THADA: variants seen among roughly 807,000 people sequenced by gnomAD.
THADA encodes the protein THADA armadillo repeat containing.
THADA carries 213 observed loss-of-function variants against 219.8 expected under a neutral mutation model. The ratio of observed to expected loss-of-function variants is 0.97; its 90% CI spans 0.87 to 1.09. THADA has a LOEUF of 1.09. THADA is among the 50% of genes least tolerant of loss of function. The pLI, the probability that THADA is intolerant of heterozygous loss-of-function variation, is 0.00. For missense variants in THADA, 2,956 were observed against 2,311.3 expected, an observed-to-expected ratio of 1.28 and a Z score of -5.72; for synonymous variants, 1,018 against 828.9, an observed-to-expected ratio of 1.23 and a Z score of -3.92.
chr2:43,469,342 A>G (rs1432276479), intron 26 of THADA, among the ~76,000 whole-genome samples: 1 of 152,232 alleles, frequency 6.6e-6, no homozygotes, highest in Non-Finnish European at 1.5e-5. Flanking sequence ...ATAACAGCAG[A>G]TAAGGTGAAA....
At chr2:43,294,128 T>A (rs569465953) in intron 31 of THADA, among the ~76,000 whole-genome samples, 5 of 152,344 alleles carry the variant, frequency 3.3e-5, no homozygotes, top group African/African-American at 1.2e-4. Flanking sequence ...AGTATATCCC[T>A]GTTAAATTTT....
Position 43,592,314 on chromosome 2 carries a change from T to G in THADA, c.76+3A>C. ...ATAATAAGGGAAACCAGAAGTCACCTACATTTCAAAGTTTCAAGGTCCTGA... is the reference window on the plus strand; with the variant it reads ...ATAATAAGGGAAACCAGAAGTCACCGACATTTCAAAGTTTCAAGGTCCTGA... On this transcript the variant is annotated splice_donor_region_variant and intron_variant, in intron 2 of 37. Coordinates refer to ENST00000405975, the MANE Select transcript of THADA (RefSeq NM_022065.5). The G allele has an allele frequency of 6.3e-7, 1 of 1,598,436 alleles. No homozygotes were observed. Among genetic ancestry groups the G allele is most frequent in the Non-Finnish European group, 8.5e-7 (1 of 1,172,782 alleles).
intron 12 of THADA, 136 bp downstream of exon 12, chr2:43,572,678 G>A: frequency 3.0e-6 from 2 of 658,714 alleles, no homozygotes; most frequent in Non-Finnish European, 2.3e-6. Flanking sequence ...GTTTAGTTGG[G>A]AGACTAGGGT....
intron 26 of THADA, among the ~76,000 whole-genome samples, chr2:43,459,752 A>C (rs1429337220): frequency 6.6e-6 from 1 of 152,198 alleles, no homozygotes; most frequent in East Asian, 1.9e-4. Flanking sequence ...AAAATCTCTC[A>C]GAGTCTGGCC....
chr2:43,327,512 T>C (rs1319828718), intron 30 of THADA, among the ~76,000 whole-genome samples: 2 of 150,986 alleles, frequency 1.3e-5, no homozygotes, highest in African/African-American at 4.9e-5. Flanking sequence ...AGAGGGAAAA[T>C]GGTTGAAAAA....
chr2:43,351,026 T>G (rs1668194991), intron 29 of THADA, among the ~76,000 whole-genome samples: 1 of 152,216 alleles, frequency 6.6e-6, no homozygotes, highest in African/African-American at 2.4e-5. Context: ...AAATTCACTT[T>G]GGGCCTCAAA....
At chr2:43,306,018 A>G (rs1327320430) in intron 31 of THADA, among the ~76,000 whole-genome samples, 1 of 109,038 alleles carries the variant, frequency 9.2e-6, no homozygotes. Flanking sequence ...ACAGGGTCTT[A>G]CTCTTGTTAC....
At chr2:43,288,688 GT>G (rs1188076937) in intron 34 of THADA, among the ~76,000 whole-genome samples, 1 of 152,116 alleles carries the variant, frequency 6.6e-6, no homozygotes, top group African/African-American at 2.4e-5. Context: ...ATTCTTCAGG[GT>G]TTTTAAGGAA....
rs895092738 is a variant in THADA, at chr2:43,292,015, G to C, written c.4937+89C>G. On this transcript the variant is annotated intron_variant, in intron 33 of 37. Coordinates refer to ENST00000405975, the MANE Select transcript of THADA (RefSeq NM_022065.5). The stretch of plus-strand genomic sequence containing the variant: ...GAATGAAATACAGGACCTGAGACCT[G>C]AGGGCAGGATTGTGTGCAAGTTCAT... 9 of 894,448 alleles carry C rather than the reference G, an allele frequency of 1.0e-5. No individual in the cohort carries two copies. The African/African-American group carries it at 1.5e-4, about 15-fold the overall frequency. The allele number at this position is 894,448 out of a possible 1,614,324, so 55.4% of individuals were successfully genotyped here.
intron 29 of THADA, among the ~76,000 whole-genome samples, chr2:43,349,552 G>A (rs78112789): frequency 0.012 from 1,805 of 152,248 alleles, 22 homozygotes; most frequent in African/African-American, 0.015. Flanking sequence ...GGAATGCAAC[G>A]CTGAGATGGG....
At chr2:43,512,609 T>A (rs994419537) in intron 22 of THADA, among the ~76,000 whole-genome samples, 3 of 152,212 alleles carry the variant, frequency 2.0e-5, no homozygotes, top group African/African-American at 7.2e-5. Flanking sequence ...TTCAAGTGAT[T>A]CTCCTGCCTC....
chr2:43,530,257 A>G (rs1268376705), intron 21 of THADA, among the ~76,000 whole-genome samples: 1 of 152,202 alleles, frequency 6.6e-6, no homozygotes, highest in African/African-American at 2.4e-5. Flanking sequence ...AGTATCTTTT[A>G]AAGACCACAT....
chr2:43,237,475 G>A (rs1451008616), intron 36 of THADA, among the ~76,000 whole-genome samples: 1 of 143,404 alleles, frequency 7.0e-6, no homozygotes, highest in East Asian at 2.1e-4. Context: ...TCAGCTCACT[G>A]CAACCTCTGC....
rs959197845 is a variant in THADA at position 43,574,745 on chromosome 2, C to G, written c.1320G>C (p.Leu440Phe). The G allele has an allele frequency of 1.9e-6, 3 of 1,614,034 alleles. No individual in the cohort carries two copies. Among genetic ancestry groups the G allele is most frequent in the South Asian group, 2.2e-5 (2 of 91,078 alleles). Residue 440 changes from leucine (L) to phenylalanine (F), a missense_variant, in exon 11 of 38, where the codon TTG (leucine) becomes TTC (phenylalanine). Coordinates refer to ENST00000405975, the MANE Select transcript of THADA (RefSeq NM_022065.5). ...DFVPDPFFVE[L>F]TESLLRLEWH... ...ATTCCAATCGTAAAAGACTCTCAGT[C>G]AATTCCACAAAGAAAGGATCAGGGA...
At chr2:43,439,790 G>C (rs192189106) in intron 26 of THADA, among the ~76,000 whole-genome samples, 1 of 152,296 alleles carries the variant, frequency 6.6e-6, no homozygotes, top group East Asian at 1.9e-4. Flanking sequence ...CCACAGATAA[G>C]GGAAGACTAC....
chr2:43,272,701 T>C (rs1198504984), intron 36 of THADA, among the ~76,000 whole-genome samples: 4 of 151,036 alleles, frequency 2.6e-5, no homozygotes, highest in Admixed American at 2.6e-4. Context: ...CATGGCTCAT[T>C]GTAGCCTTGA....
chr2:43,540,953 T>C (rs1257465095), intron 21 of THADA, among the ~76,000 whole-genome samples: 4 of 152,196 alleles, frequency 2.6e-5, no homozygotes, highest in Non-Finnish European at 4.4e-5. Flanking sequence ...TTTATATACC[T>C]TAGAAAAAAT....
At chr2:43,553,293 T>A (rs1226871033) in intron 17 of THADA, among the ~76,000 whole-genome samples, 2 of 152,168 alleles carry the variant, frequency 1.3e-5, no homozygotes, top group East Asian at 3.8e-4. Flanking sequence ...TTGTGCTTCC[T>A]CCCCCACCCC....
In THADA at chr2:43,544,348, G is replaced by C. The variant is rs1339054512; in HGVS notation, c.3107-3032C>G. Among the ~76,000 whole-genome samples, 5 of 152,184 alleles carry C rather than the reference G, an allele frequency of 3.3e-5. No individual in the cohort carries two copies. In the East Asian group the frequency reaches 9.6e-4, roughly 29 times the overall value. ...TGTTCTTTTGGCTTAGGATTGACTT[G>C]GCAATGCGGGCTCTTTTTTGGTGCC... On this transcript the variant is annotated intron_variant, in intron 20 of 37. Coordinates refer to ENST00000405975, the MANE Select transcript of THADA (RefSeq NM_022065.5).
Sources: allele counts gnomAD v4.1 joint callset (sites outside exome capture counted in the v4.1 genomes callset), GRCh38; gene constraint gnomAD v4.1.1; transcripts MANE v1.5; gene names NCBI Gene and HGNC (gene_info 2026-07-23, HGNC 2026-07-21).